Variants in BEND7 observed in about 807,000 individuals in gnomAD.
BEND7 encodes the protein BEN domain containing 7.
In BEND7, 28 loss-of-function variants were observed where a neutral mutation model predicts 50.9. The ratio of observed to expected loss-of-function variants is 0.55; its 90% CI spans 0.41 to 0.75. The LOEUF (loss-of-function observed/expected upper bound fraction) is 0.75, where lower values mean the gene tolerates loss of function less well. Ranked by LOEUF, BEND7 falls within the 30% of genes least tolerant of loss-of-function variation. The pLI is 0.00. For synonymous variants in BEND7, 170 were observed against 183.9 expected (o/e 0.92, Z 0.61); for missense variants, 477 against 491.3 (o/e 0.97, Z 0.28).
rs1174776091 is a variant in BEND7 at position 13,441,406 on chromosome 10, A to G, written c.*337T>C. Reference sequence around the variant, plus strand: ...TTACAAAATATGATTTTGCTGTTGCAGTTTTGATACGTATTTCCAGTGTGT... The same window carrying G: ...TTACAAAATATGATTTTGCTGTTGCGGTTTTGATACGTATTTCCAGTGTGT... On this transcript the variant is annotated 3_prime_UTR_variant, in exon 9 of 9. Coordinates refer to ENST00000466271, the MANE Select transcript of BEND7 (RefSeq NM_001369863.1). 1.8e-6 allele frequency: 2 copies of G among 1,134,604 alleles called. No individual in the cohort carries two copies. The highest frequency in any genetic ancestry group is 4.3e-5 in the South Asian group (1 of 23,102). The allele number at this position is 1,134,604 out of a possible 1,614,324, so 70.3% of individuals were successfully genotyped here.
At chr10:13,451,382 GGTGTGTGTGTGTGTGTTTGT>G (rs1564510321) in intron 7 of BEND7, among the ~76,000 whole-genome samples, 2 of 147,640 alleles carry the variant, frequency 1.4e-5, no homozygotes, top group African/African-American at 5.0e-5. Flanking sequence ...CTTTTTTTTT[GGTGTGTGTGTGTGTGTTTGT>G]GTGTGTGTAG....
chr10:13,448,968 A>G (rs539971727), intron 7 of BEND7, among the ~76,000 whole-genome samples: 45 of 142,170 alleles, frequency 3.2e-4, no homozygotes, highest in Non-Finnish European at 6.3e-4. Context: ...GCGAGACTCC[A>G]TCTCAAAAAA....
chr10:13,489,728 T>C (rs1469789695), intron 5 of BEND7, among the ~76,000 whole-genome samples: 2 of 152,200 alleles, frequency 1.3e-5, no homozygotes, highest in South Asian at 4.2e-4. Context: ...CAAATCACAG[T>C]AGAGCCTTGA....
intron 6 of BEND7, among the ~76,000 whole-genome samples, chr10:13,461,672 G>A (rs1840235804): frequency 1.3e-5 from 2 of 152,014 alleles, no homozygotes; most frequent in Admixed American, 1.3e-4. Context: ...GGCAGAGGTT[G>A]CAGTGAGCCA....
intron 6 of BEND7, among the ~76,000 whole-genome samples, chr10:13,474,644 G>A (rs535012460): frequency 2.6e-5 from 4 of 152,152 alleles, no homozygotes; most frequent in East Asian, 3.9e-4. Flanking sequence ...GACTCGGGTC[G>A]ATACCCGTCA....
At chr10:13,529,202 C>A (rs1194352774), upstream of BEND7, among the ~76,000 whole-genome samples, 4 of 145,838 alleles carry the variant, frequency 2.7e-5, no homozygotes, top group South Asian at 8.4e-4. Flanking sequence ...AGCGCCCTGG[C>A]CCGGGCCCGG....
chr10:13,472,794 C>T (rs193274719), intron 6 of BEND7, among the ~76,000 whole-genome samples: 21 of 150,620 alleles, frequency 1.4e-4, no homozygotes, highest in African/African-American at 4.9e-4. Flanking sequence ...TGCTCTTAGA[C>T]TCGGGGTTGA....
chr10:13,462,432 C>A (rs1045061310), intron 6 of BEND7, among the ~76,000 whole-genome samples: 4 of 152,166 alleles, frequency 2.6e-5, no homozygotes, highest in Non-Finnish European at 4.4e-5. Context: ...GGGGAACCAC[C>A]CCCATGATTC....
intron 7 of BEND7, among the ~76,000 whole-genome samples, chr10:13,451,936 G>C (rs1837844336): frequency 6.6e-6 from 1 of 152,070 alleles, no homozygotes; most frequent in Non-Finnish European, 1.5e-5. Flanking sequence ...GGCCCCCACT[G>C]TCACTTTGGG....
chr10:13,455,753 C>T (rs1838826360), intron 6 of BEND7, among the ~76,000 whole-genome samples: 4 of 152,098 alleles, frequency 2.6e-5, no homozygotes, highest in Admixed American at 2.6e-4. Context: ...GGAAGATGGT[C>T]GATTCAGAAG....
At chr10:13,441,082 C>T (rs1835252705), downstream of BEND7, 10 of 984,978 alleles carry the variant, frequency 1.0e-5, no homozygotes, top group South Asian at 2.4e-4. Flanking sequence ...AAGATCCGCA[C>T]GCACGTTCAA....
At chr10:13,516,453 C>T (rs1321773429) in intron 2 of BEND7, among the ~76,000 whole-genome samples, 2 of 152,306 alleles carry the variant, frequency 1.3e-5, no homozygotes, top group African/African-American at 4.8e-5. Flanking sequence ...AGGCTGGGCG[C>T]GGTGGCTCAC....
rs774537593 is a variant in BEND7 at position 13,441,579 on chromosome 10, G to A, written c.*164C>T. 6.7e-5 allele frequency: 98 copies of A among 1,460,554 alleles called. No individual in the cohort carries two copies. Among genetic ancestry groups the A allele is most frequent in the Non-Finnish European group, 8.8e-5 (97 of 1,106,240 alleles). The allele number at this position is 1,460,554 out of a possible 1,614,324, so 90.5% of individuals were successfully genotyped here. The stretch of plus-strand genomic sequence containing the variant: ...TAACAGACCACAGTTGGAAGTTAGC[G>A]TTTCTGCCTTGACCAGCAACATACT... On this transcript the variant is annotated 3_prime_UTR_variant, in exon 9 of 9. Transcript: ENST00000466271.
downstream of BEND7, among the ~76,000 whole-genome samples, chr10:13,440,535 C>G (rs1588583259): frequency 1.3e-5 from 2 of 152,238 alleles, no homozygotes; most frequent in African/African-American, 4.8e-5. Context: ...CAGAGTCAGA[C>G]CCTGAATTGA....
In BEND7 at chr10:13,496,810, A is replaced by G. The variant is rs1188218635; in HGVS notation, c.527T>C (p.Leu176Pro). Residue 176 changes from leucine to proline, a missense_variant, in exon 4 of 9, where the codon CTA becomes CCA. By Grantham distance (98) the Leu-to-Pro change is moderately conservative. This residue lies in a region of BEND7 where 396 missense variants were observed against 384.2 expected (regional missense o/e 1.03). Transcript: ENST00000466271. ...TTTCCTCATGGTCTTGAGTTCTTGT[A>G]GAATGGCCTGCAACGTTGACTGGCA... ...CNCQSTLQAI[L>P]QELKTMRKLM... 4 of 1,613,566 alleles carry G rather than the reference A, an allele frequency of 2.5e-6. No individual in the cohort carries two copies. The highest frequency in any genetic ancestry group is 3.4e-6 in the Non-Finnish European group (4 of 1,179,666).
In BEND7 at chr10:13,492,840, A is replaced by C; in HGVS notation, c.608T>G (p.Leu203Arg). 6.2e-7 allele frequency: 1 copy of C among 1,605,558 alleles called. No homozygotes were observed. The highest frequency in any genetic ancestry group is 1.4e-5 in the African/African-American group (1 of 74,050). The change falls in exon 5 of 9, where the codon CTT (leucine) becomes CGT (arginine). Residue 203 changes from leucine to arginine, a missense_variant. Physicochemically the swap from Leu to Arg is moderately radical, Grantham distance 102. Around this residue, in one of 3 missense-constraint regions of BEND7, gnomAD observed 396 missense variants for 384.2 expected, o/e 1.03. Transcript: ENST00000466271. The part of the protein sequence containing the change: ...TQNRQQPPIS[L>R]ICSQRTAVSR... ...GACAGCAGTTCGCTGGGAGCATATA[A>C]GGGAAATTGGAGGTTGTTGTCTGTT...
intron 6 of BEND7, among the ~76,000 whole-genome samples, chr10:13,474,892 G>A (rs1159400032): frequency 1.3e-5 from 2 of 152,246 alleles, no homozygotes; most frequent in African/African-American, 2.4e-5. Flanking sequence ...AGCTCTGACT[G>A]TAGGGCTGCT....
downstream of BEND7, among the ~76,000 whole-genome samples, chr10:13,440,599 G>C (rs1236227455): frequency 6.6e-6 from 1 of 152,246 alleles, no homozygotes; most frequent in African/African-American, 2.4e-5. Flanking sequence ...CAGAGCAGGG[G>C]ACAGAGCACG....
downstream of BEND7, chr10:13,440,997 A>G: frequency 3.2e-6 from 2 of 628,474 alleles, no homozygotes; most frequent in Non-Finnish European, 4.0e-6. Flanking sequence ...AGATCATCAG[A>G]GTATTAATGA....
Sources: allele counts gnomAD v4.1 joint callset (sites outside exome capture counted in the v4.1 genomes callset), GRCh38; gene constraint gnomAD v4.1.1; regional missense constraint gnomAD v4.1.1; transcripts MANE v1.5; gene names NCBI Gene and HGNC (gene_info 2026-07-23, HGNC 2026-07-21).